MOSMO: variants seen among roughly 807,000 people sequenced by gnomAD.
The protein encoded by MOSMO is modulator of smoothened.
Under a neutral mutation model 18.4 loss-of-function variants are expected in MOSMO, and 5 were observed. That is an observed-to-expected ratio of 0.27 (90% CI 0.14 to 0.57). The LOEUF (loss-of-function observed/expected upper bound fraction) is 0.57, where lower values mean the gene tolerates loss of function less well. Ranked by LOEUF, MOSMO falls within the 20% of genes least tolerant of loss-of-function variation. The probability of loss-of-function intolerance (pLI) is 0.92; values close to 1 mark genes in which losing one functional copy is unlikely to be tolerated. For missense variants in MOSMO, 138 were observed against 211.8 expected, an observed-to-expected ratio of 0.65 and a Z score of 2.16; for synonymous variants, 82 against 82.3, an observed-to-expected ratio of 1.00 and a Z score of 0.02.
At chr16:22,052,001 T>A (rs1206558719) in intron 1 of MOSMO, among the ~76,000 whole-genome samples, 2 of 152,120 alleles carry the variant, frequency 1.3e-5, no homozygotes, top group Non-Finnish European at 1.5e-5. Context: ...TTTTCCTATA[T>A]ATATGTGGAA....
At chr16:22,036,816 T>C (rs1900118467) in intron 1 of MOSMO, among the ~76,000 whole-genome samples, 1 of 152,178 alleles carries the variant, frequency 6.6e-6, no homozygotes, top group Admixed American at 6.5e-5. Context: ...TGTTAAGAAT[T>C]TGGACCCCAT....
At chr16:22,076,469 G>A (rs896141035) in intron 2 of MOSMO, 2 of 152,098 alleles carry the variant, frequency 1.3e-5, no homozygotes, top group Admixed American at 6.5e-5. Flanking sequence ...GCTGCTAAAC[G>A]TCCTACAAAT....
intron 1 of MOSMO, among the ~76,000 whole-genome samples, chr16:22,035,235 C>A (rs912492157): frequency 2.0e-5 from 3 of 152,024 alleles, no homozygotes; most frequent in Admixed American, 6.6e-5. Flanking sequence ...TGCCTTGCCC[C>A]ACTTAGGTGA....
At chr16:22,091,348 G>A (rs1901318278), downstream of MOSMO, among the ~76,000 whole-genome samples, 1 of 152,142 alleles carries the variant, frequency 6.6e-6, no homozygotes, top group South Asian at 2.1e-4. Flanking sequence ...AACATCTGAA[G>A]GGTGTTCCCT....
At chr16:22,011,122 T>C (rs1328933777) in intron 1 of MOSMO, among the ~76,000 whole-genome samples, 3 of 152,102 alleles carry the variant, frequency 2.0e-5, no homozygotes, top group Non-Finnish European at 4.4e-5. Flanking sequence ...CCAACGGTGA[T>C]AAGTAGGTTT....
chr16:22,067,303 C>T (rs1413217612), intron 1 of MOSMO, among the ~76,000 whole-genome samples: 1 of 152,006 alleles, frequency 6.6e-6, no homozygotes, highest in East Asian at 1.9e-4. Context: ...GAAAGAATGT[C>T]TAGAAAAACA....
chr16:22,021,566 A>C (rs1448717592), intron 1 of MOSMO, among the ~76,000 whole-genome samples: 1 of 152,082 alleles, frequency 6.6e-6, no homozygotes, highest in Non-Finnish European at 1.5e-5. Flanking sequence ...GGAGGCCGAG[A>C]TGGGCAGATC....
chr16:22,092,468 C>G, downstream of MOSMO: 2 of 710,690 alleles, frequency 2.8e-6, no homozygotes, highest in South Asian at 4.5e-5. Context: ...CTTTCCCTGC[C>G]CCGAGCTGCA....
chr16:22,031,876 A>G (rs1035254174), intron 1 of MOSMO, among the ~76,000 whole-genome samples: 1 of 152,186 alleles, frequency 6.6e-6, no homozygotes, highest in Non-Finnish European at 1.5e-5. Context: ...ATACTTAGCA[A>G]TGAAATTGCT....
intron 2 of MOSMO, among the ~76,000 whole-genome samples, chr16:22,077,569 T>C (rs1238664082): frequency 6.6e-6 from 1 of 152,164 alleles, no homozygotes; most frequent in Non-Finnish European, 1.5e-5. Flanking sequence ...CACAGAAACA[T>C]ATCTATTATG....
At chr16:22,042,828 C>G (rs1900235666) in intron 1 of MOSMO, among the ~76,000 whole-genome samples, 1 of 152,206 alleles carries the variant, frequency 6.6e-6, no homozygotes, top group Non-Finnish European at 1.5e-5. Flanking sequence ...TTATTCTACT[C>G]TTAATATATG....
chr16:22,025,774 G>A (rs1246114149), intron 1 of MOSMO, among the ~76,000 whole-genome samples: 1 of 152,192 alleles, frequency 6.6e-6, no homozygotes, highest in African/African-American at 2.4e-5. Context: ...TGTTGAAGAA[G>A]CATATTCAAA....
At chr16:22,020,189 G>T (rs1223056086) in intron 1 of MOSMO, among the ~76,000 whole-genome samples, 20 of 148,622 alleles carry the variant, frequency 1.3e-4, no homozygotes, top group African/African-American at 5.0e-4. Flanking sequence ...CTCCAGCCTG[G>T]GCAACAAGAG....
intron 1 of MOSMO, among the ~76,000 whole-genome samples, chr16:22,040,291 CA>C (rs1900185868): frequency 1.3e-5 from 2 of 152,046 alleles, no homozygotes; most frequent in South Asian, 4.1e-4. Flanking sequence ...GGGAGAGGAT[CA>C]GGAAAAAATA....
chr16:22,071,275 G>C (rs1427239057), intron 1 of MOSMO, among the ~76,000 whole-genome samples: 3 of 152,208 alleles, frequency 2.0e-5, no homozygotes, highest in Admixed American at 1.3e-4. Flanking sequence ...AAACGTAACA[G>C]GGAGATGGAA....
chr16:22,008,735 C>T (rs1252228808), intron 1 of MOSMO, among the ~76,000 whole-genome samples: 2 of 114,392 alleles, frequency 1.7e-5, no homozygotes, highest in Non-Finnish European at 3.6e-5. Context: ...GAATGAGCTT[C>T]GTTCTGGATT....
In MOSMO at chr16:22,073,381, A is replaced by T. The variant is rs561253309; in HGVS notation, c.107-2106A>T. 2.0e-5 allele frequency among the ~76,000 whole-genome samples: 3 copies of T among 152,290 alleles called. No individual in the cohort carries two copies. In the South Asian group the frequency reaches 6.2e-4, roughly 32 times the overall value. On this transcript the variant is annotated intron_variant, in intron 1 of 2. Transcript: ENST00000542527. ...AGGGTCTTTCATTGCCAGCAGTTAC[A>T]TCTTTTATAAATGGAACAGTGACTA...
At position 22,046,668 on chromosome 16, in the gene MOSMO, A is replaced by G. The variant is rs544504261; in HGVS notation, c.107-28819A>G. Among the ~76,000 whole-genome samples the G allele has an allele frequency of 1.2e-3, 184 of 152,292 alleles. 3 individuals are homozygous for G. The South Asian group carries it at 0.038, about 31-fold the overall frequency. The stretch of plus-strand genomic sequence containing the variant: ...TGGGACCATTTTAAACAGTGAAATC[A>G]TCAGTAAAAGGCACAAAAATGTGAA... On this transcript the variant is annotated intron_variant, in intron 1 of 2. Transcript: ENST00000542527.
At chr16:22,054,091 CTT>C (rs5816167) in intron 1 of MOSMO, among the ~76,000 whole-genome samples, 10 of 147,434 alleles carry the variant, frequency 6.8e-5, no homozygotes, top group Admixed American at 2.7e-4. Context: ...AAAGAAGACA[CTT>C]TTTTTTTTTT....
Sources: gnomAD v4.1 joint callset for allele counts (sites outside exome capture counted in the v4.1 genomes callset) on GRCh38, gnomAD v4.1.1 for gene constraint, MANE v1.5 for transcripts, NCBI Gene and HGNC (gene_info 2026-07-23, HGNC 2026-07-21) for gene names.